The following PTGS1 variants were observed in gnomAD, a reference collection of about 807,000 sequenced individuals.
PTGS1 encodes prostaglandin-endoperoxide synthase 1, also known as prostaglandin G/H synthase 1.
Under a neutral mutation model 63.0 loss-of-function variants are expected in PTGS1, and 40 were observed. The observed-to-expected ratio is 0.63, with a 90% CI of 0.49 to 0.83. The LOEUF (loss-of-function observed/expected upper bound fraction) is 0.83. PTGS1 is among the 40% of genes least tolerant of loss of function. The pLI is 0.00. For synonymous variants in PTGS1, 298 were observed against 301.9 expected (o/e 0.99, Z 0.13); for missense variants, 709 against 786.5 (o/e 0.90, Z 1.18).
chr9:122,374,428 T>C (rs1421664316), intron 2 of PTGS1, among the ~76,000 whole-genome samples: 1 of 152,166 alleles, frequency 6.6e-6, no homozygotes, highest in Non-Finnish European at 1.5e-5. Context: ...CACCCAAGAA[T>C]GCACAGCCAG....
intron 2 of PTGS1, chr9:122,371,545 C>T (rs1292051287): frequency 1.4e-6 from 2 of 1,396,240 alleles, no homozygotes; most frequent in East Asian, 2.5e-5. Context: ...TATCCATCCC[C>T]CTCACCTGTT....
intron 9 of PTGS1, 60 bp from the exon 10 acceptor site, chr9:122,390,138 C>A: frequency 6.4e-7 from 1 of 1,564,864 alleles, no homozygotes. Context: ...AGGAACTTAC[C>A]CAGGCTCCAG....
intron 5 of PTGS1, among the ~76,000 whole-genome samples, chr9:122,379,997 TAAGG>T (rs2119143336): frequency 6.6e-6 from 1 of 152,294 alleles, no homozygotes; most frequent in East Asian, 1.9e-4. Flanking sequence ...CTGACATAAT[TAAGG>T]AAGGCCTCTC....
In PTGS1 at chr9:122,378,850, A is replaced by G; in HGVS notation, c.428A>G (p.Asn143Ser). The G allele has an allele frequency of 1.2e-6, 2 of 1,614,238 alleles. No individual in the cohort carries two copies. Among genetic ancestry groups the G allele is most frequent in the Non-Finnish European group, 1.7e-6 (2 of 1,180,042 alleles). The change falls in exon 5 of 11, where the codon AAC becomes AGC. Residue 143 changes from asparagine (N) to serine (S), a missense_variant. Asn to Ser is a conservative substitution (Grantham distance 46). Transcript: ENST00000362012. ...TACATCAGCTGGGAGTCTTTCTCCAACGTGAGCTATTACACTCGTATTCTG... is the reference window on the plus strand; with the variant it reads ...TACATCAGCTGGGAGTCTTTCTCCAGCGTGAGCTATTACACTCGTATTCTG... Reference protein sequence around the residue: ...HDYISWESFSNVSYYTRILPS... With the variant: ...HDYISWESFSSVSYYTRILPS...
Position 122,381,558 on chromosome 9 carries a change from T to G in PTGS1, c.678+6T>G. On this transcript the variant is annotated splice_donor_region_variant and intron_variant, in intron 6 of 10. Transcript: ENST00000362012. ...CCAAGGCCTTGGGCCATGGGGTGAG[T>G]ACCTAGGAGGGGCTCAGGACTGCTC... 2 of 1,613,890 alleles carry G rather than the reference T, an allele frequency of 1.2e-6. No individual in the cohort carries two copies. Among genetic ancestry groups the G allele is most frequent in the Middle Eastern group, 3.3e-4 (2 of 6,062 alleles).
intron 8 of PTGS1, among the ~76,000 whole-genome samples, chr9:122,384,584 G>A (rs1837754708): frequency 6.6e-6 from 1 of 152,086 alleles, no homozygotes; most frequent in South Asian, 2.1e-4. Context: ...GGACCCTAGG[G>A]CACCATTTAA....
chr9:122,379,256 T>A (rs1208316195), intron 5 of PTGS1, among the ~76,000 whole-genome samples: 1 of 152,202 alleles, frequency 6.6e-6, no homozygotes, highest in Non-Finnish European at 1.5e-5. Flanking sequence ...GCTGTCTCTG[T>A]GTTTGGGTCT....
At position 122,383,631 on chromosome 9, in the gene PTGS1, T is replaced by C. The variant is rs754452041; in HGVS notation, c.885T>C (p.Pro295=). 3 of 1,614,194 alleles carry C rather than the reference T, an allele frequency of 1.9e-6. No homozygotes were observed. The Admixed American group carries it at 5.0e-5, about 27-fold the overall frequency. ...AVGQEVFGLL[P]GLMLYATLWL... ...GCCAGGAGGTGTTTGGGCTGCTTCC[T>C]GGGCTCATGCTGTATGCCACGCTCT... Residue 295 remains proline (P), a synonymous_variant, in exon 8 of 11, where the codon CCT becomes CCC. Coordinates refer to ENST00000362012, the MANE Select transcript of PTGS1 (RefSeq NM_000962.4).
chr9:122,381,881 C>T (rs752209480), intron 7 of PTGS1, 134 bp downstream of exon 7: 138 of 890,786 alleles, frequency 1.5e-4, no homozygotes, highest in South Asian at 6.1e-4. Flanking sequence ...GTGCCAGGAG[C>T]GACAGTATAC....
Position 122,381,782 on chromosome 9 carries a change from G to T in PTGS1, c.762+35G>T. 2 of 1,581,776 alleles carry T rather than the reference G, an allele frequency of 1.3e-6. 1 individual carries two copies. The highest frequency in any genetic ancestry group is 2.2e-5 in the South Asian group (2 of 89,234). On this transcript the variant is annotated intron_variant, in intron 7 of 10. Transcript: ENST00000362012. ...GGCCAGGGGGTAGGGCAGAGGGAGG[G>T]GTCTCCCATGGTCTTCCCTGGCAAA...
chr9:122,381,798 C>A (rs767596904), intron 7 of PTGS1, 51 bp downstream of exon 7: 26 of 1,562,640 alleles, frequency 1.7e-5, no homozygotes, highest in Non-Finnish European at 1.9e-5. Context: ...CCATGGTCTT[C>A]CCTGGCAAAG....
In PTGS1 at chr9:122,371,634, G is replaced by T. The variant is rs574359904; in HGVS notation, c.94+362G>T. The stretch of plus-strand genomic sequence containing the variant: ...ATAGGGGCCTCTTTGGGAGGAAGCC[G>T]CAGGCACCAAGGGAAATGAGTTCCC... On this transcript the variant is annotated intron_variant, in intron 2 of 10. Transcript: ENST00000362012. 7 of 1,430,070 alleles carry T rather than the reference G, an allele frequency of 4.9e-6. No homozygotes were observed. In the South Asian group the frequency reaches 1.1e-4, roughly 22 times the overall value. 88.6% of individuals were successfully genotyped at this position (1,430,070 alleles called of 1,614,324 possible). A position where few individuals can be genotyped will look rare whatever the true frequency, so the allele number is the denominator to read the frequency against.
chr9:122,377,322 C>G (rs1243867410), intron 2 of PTGS1, among the ~76,000 whole-genome samples: 2 of 152,146 alleles, frequency 1.3e-5, no homozygotes, highest in Non-Finnish European at 2.9e-5. Context: ...CTTCAATTTC[C>G]CCATCTGCAA....
chr9:122,380,547 C>T (rs539434026), intron 5 of PTGS1, among the ~76,000 whole-genome samples: 21 of 152,136 alleles, frequency 1.4e-4, no homozygotes, highest in African/African-American at 4.6e-4. Context: ...CAAATTCGGC[C>T]CACCTCTCCA....
In PTGS1 at chr9:122,383,709, C is replaced by T; in HGVS notation, c.963C>T (p.Thr321=). Residue 321 remains threonine, a synonymous_variant, in exon 8 of 11, where the codon ACC becomes ACT. Transcript: ENST00000362012. ...VCDLLKAEHP[T]WGDEQLFQTT... ...ACCTGCTGAAGGCTGAGCACCCCAC[C>T]TGGGGCGATGAGCAGCTTTTCCAGA... 6.2e-7 allele frequency: 1 copy of T among 1,613,818 alleles called. No homozygotes were observed. The highest frequency in any genetic ancestry group is 1.1e-5 in the South Asian group (1 of 91,078).
rs1315031105 is a variant in PTGS1 at position 122,383,736 on chromosome 9, G to A, written c.990G>A (p.Thr330=). The A allele has an allele frequency of 9.3e-6, 15 of 1,611,512 alleles. No individual in the cohort carries two copies. Among genetic ancestry groups the A allele is most frequent in the African/African-American group, 1.3e-5 (1 of 74,884 alleles). ...PTWGDEQLFQ[T]TRLILIGETI... ...GGGGCGATGAGCAGCTTTTCCAGACGACCCGCCTCATCCTCATAGGTGAGG... is the reference window on the plus strand; with the variant it reads ...GGGGCGATGAGCAGCTTTTCCAGACAACCCGCCTCATCCTCATAGGTGAGG... Residue 330 remains threonine (T), a synonymous_variant, in exon 8 of 11, where the codon ACG becomes ACA. Transcript: ENST00000362012.
In PTGS1 at chr9:122,381,563, A is replaced by C. The variant is rs1837517576; in HGVS notation, c.678+11A>C. 1.9e-6 allele frequency: 3 copies of C among 1,613,870 alleles called. No individual in the cohort carries two copies. The highest frequency in any genetic ancestry group is 2.5e-6 in the Non-Finnish European group (3 of 1,179,872). On this transcript the variant is annotated intron_variant, in intron 6 of 10. Transcript: ENST00000362012. The stretch of plus-strand genomic sequence containing the variant: ...GCCTTGGGCCATGGGGTGAGTACCT[A>C]GGAGGGGCTCAGGACTGCTCTGGAC...
rs1298210606 is a variant in PTGS1 at position 122,378,770 on chromosome 9, T to C, written c.353-5T>C. Reference sequence around the variant, plus strand: ...CCTTGTCACCGTTATTTTTGCTCTCTGCAGTGCGCTCCAACCTTATCCCCA... The same window carrying C: ...CCTTGTCACCGTTATTTTTGCTCTCCGCAGTGCGCTCCAACCTTATCCCCA... On this transcript the variant is annotated splice_region_variant and splice_polypyrimidine_tract_variant and intron_variant, in intron 4 of 10. Coordinates refer to ENST00000362012, the MANE Select transcript of PTGS1 (RefSeq NM_000962.4). 6.2e-7 allele frequency: 1 copy of C among 1,614,200 alleles called. No individual in the cohort carries two copies.
At chr9:122,386,004 A>G (rs1837849667) in intron 8 of PTGS1, among the ~76,000 whole-genome samples, 1 of 152,066 alleles carries the variant, frequency 6.6e-6, no homozygotes, top group South Asian at 2.1e-4. Context: ...ATTAAACATC[A>G]ACAGCAAGGC....
Sources: allele counts gnomAD v4.1 joint callset (sites outside exome capture counted in the v4.1 genomes callset), GRCh38; gene constraint gnomAD v4.1.1; transcripts MANE v1.5; gene names NCBI Gene and HGNC (gene_info 2026-07-23, HGNC 2026-07-21).